The following OVOL3 variants were observed in gnomAD, a reference collection of about 807,000 sequenced individuals.
OVOL3 encodes ovo like zinc finger 3, also known as putative transcription factor ovo-like protein 3.
In OVOL3, 15 loss-of-function variants were observed where a neutral mutation model predicts 13.6. The ratio of observed to expected loss-of-function variants is 1.11; its 90% CI spans 0.74 to 1.70. The LOEUF (loss-of-function observed/expected upper bound fraction) is 1.70, where lower values mean the gene tolerates loss of function less well. Ranked by LOEUF, OVOL3 falls within the 40% of genes most tolerant of loss-of-function variation. OVOL3 has a pLI of 0.00. For synonymous variants in OVOL3, 102 were observed against 108.5 expected, an observed-to-expected ratio of 0.94 and a Z score of 0.37; for missense variants, 290 against 280.6, an observed-to-expected ratio of 1.03 and a Z score of -0.24.
chr19:36,113,342 C>A, intron 3 of OVOL3, 111 bp from the exon 4 acceptor site: 2 of 1,136,656 alleles, frequency 1.8e-6, no homozygotes, highest in Admixed American at 2.1e-5. Context: ...GTCTGAAGAG[C>A]TTGGAATAGG....
At chr19:36,111,779 G>A (rs1325990518) in intron 2 of OVOL3, 2 of 508,616 alleles carry the variant, frequency 3.9e-6, no homozygotes, top group African/African-American at 1.9e-5. Context: ...TGCATGCATT[G>A]GAGGAAGGAA....
chr19:36,112,829 A>G lies in OVOL3; in HGVS notation c.229A>G (p.Lys77Glu), dbSNP rs1294237218. 6.5e-7 allele frequency: 1 copy of G among 1,535,864 alleles called. No individual in the cohort carries two copies. The highest frequency in any genetic ancestry group is 8.7e-7 in the Non-Finnish European group (1 of 1,146,866). The change falls in exon 3 of 4, where the codon AAG (lysine) becomes GAG (glutamate). Residue 77 changes from lysine to glutamate, a missense_variant. Coordinates refer to ENST00000633214, the MANE Select transcript of OVOL3 (RefSeq NM_001302757.2). ...PGTLGCPLCP[K>E]AFPLQRMLTR... The stretch of plus-strand genomic sequence containing the variant: ...GACGCTGGGCTGCCCGCTCTGCCCT[A>G]AGGCCTTCCCTCTGCAGCGCATGCT...
Position 36,113,676 on chromosome 19 carries a change from G to A in OVOL3, c.*15G>A. The A allele has an allele frequency of 1.3e-6, 2 of 1,552,056 alleles. No individual in the cohort carries two copies. Among genetic ancestry groups the A allele is most frequent in the Non-Finnish European group, 1.7e-6 (2 of 1,146,972 alleles). On this transcript the variant is annotated 3_prime_UTR_variant, in exon 4 of 4. Transcript: ENST00000633214. ...GCGCAGCCTGATACGGTGTGCCAGC[G>A]TCCTCCCCACGAGGCAAATAAACAC...
At chr19:36,112,236 T>C (rs929208574) in intron 2 of OVOL3, among the ~76,000 whole-genome samples, 3 of 149,996 alleles carry the variant, frequency 2.0e-5, no homozygotes, top group East Asian at 2.0e-4. Context: ...ATTAGAAAAA[T>C]AGACCGGGCA....
rs1306604166 is a variant in OVOL3 at position 36,112,740 on chromosome 19, T to G, written c.160-20T>G. On this transcript the variant is annotated intron_variant, in intron 2 of 3. Transcript: ENST00000633214. Reference sequence around the variant, plus strand: ...GATGGGGTCCAGCCAGAGAGGCTAATAACTCCTGCATCCCTCCAGCAGCCC... The same window carrying G: ...GATGGGGTCCAGCCAGAGAGGCTAAGAACTCCTGCATCCCTCCAGCAGCCC... 6.6e-7 allele frequency: 1 copy of G among 1,525,066 alleles called. No homozygotes were observed. The highest frequency in any genetic ancestry group is 2.0e-5 in the Admixed American group (1 of 50,722). 94.5% of individuals were successfully genotyped at this position (1,525,066 alleles called of 1,614,324 possible).
rs1461592805 is a variant in OVOL3 at position 36,113,385 on chromosome 19, G to A, written c.365-68G>A. 7.7e-6 allele frequency: 11 copies of A among 1,434,080 alleles called. No homozygotes were observed. The East Asian group carries it at 2.8e-4, about 36-fold the overall frequency. 88.8% of individuals were successfully genotyped at this position (1,434,080 alleles called of 1,614,324 possible). On this transcript the variant is annotated intron_variant, in intron 3 of 3. Transcript: ENST00000633214. The stretch of plus-strand genomic sequence containing the variant: ...AATGCTCAACACTGGAAAGCAGGGT[G>A]GGGGCGCTTTAGTCCAGAGCCCATT...
intron 3 of OVOL3, 102 bp from the exon 4 acceptor site, chr19:36,113,351 G>A (rs1230493194): frequency 1.7e-6 from 2 of 1,199,120 alleles, no homozygotes; most frequent in East Asian, 2.6e-5. Context: ...GCTTGGAATA[G>A]GTACCAGAAA....
intron 3 of OVOL3, 136 bp downstream of exon 3, chr19:36,113,100 G>A (rs918257911): frequency 7.0e-6 from 7 of 999,238 alleles, no homozygotes; most frequent in East Asian, 2.6e-5. Context: ...GATGTCTCTC[G>A]GACCCCAGTG....
In OVOL3 at chr19:36,111,381, T is replaced by TG. The variant is rs1187846831; in HGVS notation, c.114dup (p.Pro39AlafsTer39). 3.3e-5 allele frequency: 50 copies of TG among 1,535,692 alleles called. No individual in the cohort carries two copies. Among genetic ancestry groups the TG allele is most frequent in the Middle Eastern group, 1.7e-4 (1 of 6,008 alleles). ...CTTTTCTCCTCAGACTGCAGCAGCC[T>TG]GGGGGGGCCACCGGCACAACAGTCG... is the stretch of plus-strand genomic sequence containing the variant. On this transcript the variant is annotated frameshift_variant, in exon 2 of 4. Transcript: ENST00000633214. LOFTEE classifies it high-confidence loss of function.
At chr19:36,113,333 T>C in intron 3 of OVOL3, 120 bp from the exon 4 acceptor site, 1 of 1,040,574 alleles carries the variant, frequency 9.6e-7, no homozygotes. Flanking sequence ...GGCGGAAGAG[T>C]CTGAAGAGCT....
At chr19:36,113,099 C>T (rs1973863856) in intron 3 of OVOL3, 135 bp downstream of exon 3, 11 of 1,021,924 alleles carry the variant, frequency 1.1e-5, no homozygotes, top group Non-Finnish European at 1.4e-5. Flanking sequence ...TGATGTCTCT[C>T]GGACCCCAGT....
chr19:36,112,985 G>A (rs766172923), intron 3 of OVOL3, 21 bp downstream of exon 3: 1 of 1,532,138 alleles, frequency 6.5e-7, no homozygotes, highest in African/African-American at 1.4e-5. Flanking sequence ...GCAGGGACAG[G>A]GAAAAGTTGC....
chr19:36,111,719 A>G (rs1192487502), intron 2 of OVOL3: 5 of 601,668 alleles, frequency 8.3e-6, no homozygotes, highest in African/African-American at 1.8e-5. Flanking sequence ...ATGTCAGAAC[A>G]TGGGACAAGG....
chr19:36,111,233 C>T lies in OVOL3; in HGVS notation c.31C>T (p.Arg11Cys), dbSNP rs1007269801. 8.5e-6 allele frequency: 13 copies of T among 1,535,668 alleles called. No homozygotes were observed. The highest frequency in any genetic ancestry group is 2.7e-5 in the African/African-American group (2 of 73,026). MPRAFLVRSR[R>C]PQPPNWGHLP... is the part of the protein sequence containing the mutation. ...CCGCGCCTTCCTGGTCAGGAGTCGG[C>T]GTCCACAGCCCCCCAACTGGGGCCA... The change falls in exon 1 of 4, where the codon CGT becomes TGT. Residue 11 changes from arginine to cysteine, a missense_variant. Arg to Cys is a radical substitution (Grantham distance 180). Coordinates refer to ENST00000633214, the MANE Select transcript of OVOL3 (RefSeq NM_001302757.2).
Position 36,113,666 on chromosome 19 carries a change from G to C in OVOL3, c.*5G>C. On this transcript the variant is annotated 3_prime_UTR_variant, in exon 4 of 4. Transcript: ENST00000633214. ...GCCCTGCACCGCGCAGCCTGATACG[G>C]TGTGCCAGCGTCCTCCCCACGAGGC... is the stretch of plus-strand genomic sequence containing the variant. The C allele has an allele frequency of 6.5e-7, 1 of 1,549,426 alleles. No individual in the cohort carries two copies. The highest frequency in any genetic ancestry group is 8.7e-7 in the Non-Finnish European group (1 of 1,145,690).
At position 36,111,286 on chromosome 19, in the gene OVOL3, C is replaced by T; in HGVS notation, c.84C>T (p.Ala28=). The T allele has an allele frequency of 6.5e-7, 1 of 1,536,062 alleles. No individual in the cohort carries two copies. The highest frequency in any genetic ancestry group is 8.7e-7 in the Non-Finnish European group (1 of 1,146,862). Residue 28 remains alanine (A), a synonymous_variant, in exon 1 of 4, where the codon GCC becomes GCT. Coordinates refer to ENST00000633214, the MANE Select transcript of OVOL3 (RefSeq NM_001302757.2). ...GHLPDQLRGD[A]YIPDCSSLGG... ...TGCCTGACCAGCTCCGGGGAGATGC[C>T]TATATCCCAGGTGGGCCCCTCACTG...
chr19:36,111,554 T>C (rs755133806), intron 2 of OVOL3, 121 bp downstream of exon 2: 37 of 957,666 alleles, frequency 3.9e-5, no homozygotes, highest in Non-Finnish European at 5.5e-5. Context: ...CCTCGGGACC[T>C]GTCCGCCCCT....
At chr19:36,113,213 G>A (rs1010980915) in intron 3 of OVOL3, among the ~76,000 whole-genome samples, 9 of 152,158 alleles carry the variant, frequency 5.9e-5, no homozygotes, top group African/African-American at 2.2e-4. Flanking sequence ...GGCAAGGGAA[G>A]GCCTCCCTCT....
chr19:36,111,914 C>T, intron 2 of OVOL3: 1 of 447,586 alleles, frequency 2.2e-6, no homozygotes, highest in South Asian at 1.6e-5. Context: ...GTTGGGGCTG[C>T]ATGTATAGAC....
Sources: gnomAD v4.1 joint callset for allele counts (sites outside exome capture counted in the v4.1 genomes callset) on GRCh38, gnomAD v4.1.1 for gene constraint, MANE v1.5 for transcripts, NCBI Gene and HGNC (gene_info 2026-07-23, HGNC 2026-07-21) for gene names.